The following CD58 variants were observed in gnomAD, a reference collection of about 807,000 sequenced individuals.
CD58 encodes CD58 molecule.
Under a neutral mutation model 27.6 loss-of-function variants are expected in CD58, and 14 were observed. The observed-to-expected ratio is 0.51, with a 90% confidence interval of 0.34 to 0.79. CD58 has a LOEUF of 0.79. Ranked by LOEUF, CD58 falls within the 30% of genes least tolerant of loss-of-function variation. The pLI is 0.02. For synonymous variants in CD58, 117 were observed against 103.8 expected, an observed-to-expected ratio of 1.13 and a Z score of -0.77; for missense variants, 268 against 301.7, an observed-to-expected ratio of 0.89 and a Z score of 0.83.
intron 1 of CD58, among the ~76,000 whole-genome samples, 157 bp from the exon 2 acceptor site, chr1:116,544,761 A>T (rs1658108752): frequency 6.6e-6 from 1 of 152,198 alleles, no homozygotes; most frequent in Non-Finnish European, 1.5e-5. Context: ...TTTAATAGAA[A>T]ACTGGGACCT....
chr1:116,543,181 T>A (rs1331978867), intron 2 of CD58, among the ~76,000 whole-genome samples: 2 of 151,968 alleles, frequency 1.3e-5, no homozygotes, highest in African/African-American at 4.8e-5. Flanking sequence ...GGAAGCTAAG[T>A]GTGTCTGCAA....
intron 1 of CD58, among the ~76,000 whole-genome samples, chr1:116,555,706 G>A (rs1658538011): frequency 6.6e-6 from 1 of 152,124 alleles, no homozygotes; most frequent in Non-Finnish European, 1.5e-5. Context: ...AATTTTAATA[G>A]TTCTTTTTGT....
rs1657086003 is a variant in CD58, at chr1:116,516,467, G to C, written c.744-1645C>G. On this transcript the variant is annotated intron_variant, in intron 5 of 5. Transcript: ENST00000369489. The surrounding 1 kb of genome is among the most constrained non-coding windows in gnomAD (Gnocchi z 6.1). ...TTTCATGCAAAATGTTCCTGCTCAA[G>C]AACCTATAATGGCTGCTTATTTCCA... is the stretch of plus-strand genomic sequence containing the variant. Among the ~76,000 whole-genome samples the C allele has an allele frequency of 6.6e-6, 1 of 152,110 alleles. No homozygotes were observed. The highest frequency in any genetic ancestry group is 2.1e-4 in the South Asian group (1 of 4,826).
intron 4 of CD58, among the ~76,000 whole-genome samples, chr1:116,520,896 T>C (rs1216175965): frequency 6.6e-6 from 1 of 152,202 alleles, no homozygotes; most frequent in African/African-American, 2.4e-5. Flanking sequence ...CAGGAAATTA[T>C]ATTTAGCACT....
rs1474336713 is a variant in CD58 at position 116,523,498 on chromosome 1, A to G, written c.629-1515T>C. ...TGTTGGAGCAAATAGGCAGTCACCT[A>G]TTGGTCAGATTTGAGAAGACCCTGG... is the stretch of plus-strand genomic sequence containing the variant. On this transcript the variant is annotated intron_variant, in intron 3 of 5. Coordinates refer to ENST00000369489, the MANE Select transcript of CD58 (RefSeq NM_001779.3). The surrounding 1 kb of genome is among the most constrained non-coding windows in gnomAD (Gnocchi z 4.4). 6.6e-6 allele frequency among the ~76,000 whole-genome samples: 1 copy of G among 152,206 alleles called. No individual in the cohort carries two copies. Among genetic ancestry groups the G allele is most frequent in the African/African-American group, 2.4e-5 (1 of 41,452 alleles).
intron 1 of CD58, among the ~76,000 whole-genome samples, chr1:116,548,852 C>T (rs1331276264): frequency 4.6e-5 from 7 of 152,190 alleles, no homozygotes; most frequent in Non-Finnish European, 2.9e-5. Flanking sequence ...TTACTCTCTG[C>T]TGGTTATATG....
intron 1 of CD58, among the ~76,000 whole-genome samples, chr1:116,560,382 A>C (rs1464273609): frequency 6.6e-6 from 1 of 152,116 alleles, no homozygotes; most frequent in East Asian, 1.9e-4. Context: ...CTATTCTCCA[A>C]AGTCTGATTC....
At chr1:116,543,898 T>C (rs989146192) in intron 2 of CD58, among the ~76,000 whole-genome samples, 1 of 152,082 alleles carries the variant, frequency 6.6e-6, no homozygotes, top group African/African-American at 2.4e-5. Flanking sequence ...ACTCTGGCCT[T>C]GGTAACAGAG....
At chr1:116,553,007 T>TA (rs1187197533) in intron 1 of CD58, among the ~76,000 whole-genome samples, 1 of 152,162 alleles carries the variant, frequency 6.6e-6, no homozygotes, top group Non-Finnish European at 1.5e-5. Context: ...ATTTTTTTTT[T>TA]ATGTTTAATT....
In CD58 at chr1:116,519,592, C is replaced by A. The variant is rs1571056327; in HGVS notation, c.707-325G>T. 6.6e-6 allele frequency among the ~76,000 whole-genome samples: 1 copy of A among 151,950 alleles called. No homozygotes were observed. Among genetic ancestry groups the A allele is most frequent in the South Asian group, 2.1e-4 (1 of 4,828 alleles). ...AGTGCTGTCCAATAGAAATATAATG[C>A]AAGCCACATAAGTAATTTAAAATTT... On this transcript the variant is annotated intron_variant, in intron 4 of 5. Coordinates refer to ENST00000369489, the MANE Select transcript of CD58 (RefSeq NM_001779.3). The surrounding 1 kb of genome is among the most constrained non-coding windows in gnomAD (Gnocchi z 4.7).
chr1:116,517,906 A>G lies in CD58; in HGVS notation c.743+1325T>C, dbSNP rs184439625. 6.6e-6 allele frequency among the ~76,000 whole-genome samples: 1 copy of G among 152,124 alleles called. No homozygotes were observed. The highest frequency in any genetic ancestry group is 2.4e-5 in the African/African-American group (1 of 41,404). On this transcript the variant is annotated intron_variant, in intron 5 of 5. Transcript: ENST00000369489. This position sits in a 1 kb window ranked among gnomAD's most constrained non-coding sequence, Gnocchi z 6.5. Reference sequence around the variant, plus strand: ...TTCATAATTTTCCTTCCCAACCAAGATTCCTGTGTGACTCCTCTGTGACAC... The same window carrying G: ...TTCATAATTTTCCTTCCCAACCAAGGTTCCTGTGTGACTCCTCTGTGACAC...
chr1:116,544,735 C>T, intron 1 of CD58, 131 bp from the exon 2 acceptor site: 1 of 636,958 alleles, frequency 1.6e-6, no homozygotes, highest in Non-Finnish European at 2.7e-6. Context: ...CATGTTTGAC[C>T]ATGTGGAGCT....
At position 116,535,568 on chromosome 1, in the gene CD58, G is replaced by A. The variant is rs147401865; in HGVS notation, c.628+397C>T. On this transcript the variant is annotated intron_variant, in intron 3 of 5. Coordinates refer to ENST00000369489, the MANE Select transcript of CD58 (RefSeq NM_001779.3). ...AAAAATTGTAACTTGTTGGCCGGGCGCGGTGGCTCACGCCTGTAATCCCAG... is the reference window on the plus strand; with the variant it reads ...AAAAATTGTAACTTGTTGGCCGGGCACGGTGGCTCACGCCTGTAATCCCAG... 1.6e-3 allele frequency among the ~76,000 whole-genome samples: 157 copies of A among 98,376 alleles called. 51 individuals are homozygous for A. The East Asian group carries it at 0.099, about 62-fold the overall frequency. The allele number at this position is 98,376 out of a possible 152,430, so 64.5% of individuals were successfully genotyped here. A position where few individuals can be genotyped will look rare whatever the true frequency, so the allele number is the denominator to read the frequency against.
rs1028151399 is a variant in CD58 at position 116,538,295 on chromosome 1, T to C, written c.365-2067A>G. ...AGAAGTTGCTCTAGTTGACTCAAAATTGAAAGCCTAGAGCCCTGCTCTCCT... is the reference window on the plus strand; with the variant it reads ...AGAAGTTGCTCTAGTTGACTCAAAACTGAAAGCCTAGAGCCCTGCTCTCCT... On this transcript the variant is annotated intron_variant, in intron 2 of 5. Transcript: ENST00000369489. The surrounding 1 kb of genome is among the most constrained non-coding windows in gnomAD (Gnocchi z 4.7). 2.0e-5 allele frequency among the ~76,000 whole-genome samples: 3 copies of C among 152,202 alleles called. No individual in the cohort carries two copies. The highest frequency in any genetic ancestry group is 2.9e-5 in the Non-Finnish European group (2 of 68,026).
Position 116,519,050 on chromosome 1 carries a change from T to G in CD58, c.743+181A>C, listed in dbSNP as rs541883244. ...GAAACGATATGCAGAGAGTGGCTAG[T>G]GCAGTGCATGGCACACAGTTGGTAC... On this transcript the variant is annotated intron_variant, in intron 5 of 5. Coordinates refer to ENST00000369489, the MANE Select transcript of CD58 (RefSeq NM_001779.3). This position sits in a 1 kb window ranked among gnomAD's most constrained non-coding sequence, Gnocchi z 4.7. 1 of 1,312,412 alleles carries G rather than the reference T, an allele frequency of 7.6e-7. No homozygotes were observed. Among genetic ancestry groups the G allele is most frequent in the Non-Finnish European group, 1.0e-6 (1 of 982,536 alleles). The allele number at this position is 1,312,412 out of a possible 1,614,324, so 81.3% of individuals were successfully genotyped here. A position where few individuals can be genotyped will look rare whatever the true frequency, so the allele number is the denominator to read the frequency against.
In CD58 at chr1:116,519,506, T is replaced by C. The variant is rs1382613317; in HGVS notation, c.707-239A>G. ...CCAAATGCAAAAACTGTTGACAAAA[T>C]GGCTAATTTTACCTCGTGCATAAGG... On this transcript the variant is annotated intron_variant, in intron 4 of 5. Coordinates refer to ENST00000369489, the MANE Select transcript of CD58 (RefSeq NM_001779.3). This position sits in a 1 kb window ranked among gnomAD's most constrained non-coding sequence, Gnocchi z 4.7. Among the ~76,000 whole-genome samples, 1 of 152,164 alleles carries C rather than the reference T, an allele frequency of 6.6e-6. No homozygotes were observed. The highest frequency in any genetic ancestry group is 1.5e-5 in the Non-Finnish European group (1 of 68,020).
In CD58 at chr1:116,515,076, T is replaced by C. The variant is rs1007952850; in HGVS notation, c.744-254A>G. Among the ~76,000 whole-genome samples the C allele has an allele frequency of 1.4e-4, 21 of 152,216 alleles. No individual in the cohort carries two copies. The highest frequency in any genetic ancestry group is 4.8e-4 in the African/African-American group (20 of 41,454). ...CAGCCCCAAGGCTCCTCCCGCTTAC[T>C]CTCTGAGTATAACTGAAAGATTGAA... On this transcript the variant is annotated intron_variant, in intron 5 of 5. Transcript: ENST00000369489. The surrounding 1 kb of genome is among the most constrained non-coding windows in gnomAD (Gnocchi z 4.6).
chr1:116,559,087 T>C lies in CD58; in HGVS notation c.70+11816A>G, dbSNP rs1481396732. ...TGATGTTGGATGATGTTAAGTGCTATAGAGAAAAATAAAGCAGAGTGTGGG... is the reference window on the plus strand; with the variant it reads ...TGATGTTGGATGATGTTAAGTGCTACAGAGAAAAATAAAGCAGAGTGTGGG... On this transcript the variant is annotated intron_variant, in intron 1 of 5. Coordinates refer to ENST00000369489, the MANE Select transcript of CD58 (RefSeq NM_001779.3). This position sits in a 1 kb window ranked among gnomAD's most constrained non-coding sequence, Gnocchi z 4.4. 3.9e-5 allele frequency among the ~76,000 whole-genome samples: 6 copies of C among 152,110 alleles called. No individual in the cohort carries two copies. Among genetic ancestry groups the C allele is most frequent in the South Asian group, 2.1e-4 (1 of 4,818 alleles).
chr1:116,555,212 C>T (rs996323416), intron 1 of CD58, among the ~76,000 whole-genome samples: 2 of 152,070 alleles, frequency 1.3e-5, no homozygotes, highest in Admixed American at 1.3e-4. Context: ...CCAGGGTGAA[C>T]TCCCAAAGGC....
Sources: allele counts gnomAD v4.1 joint callset (sites outside exome capture counted in the v4.1 genomes callset), GRCh38; gene constraint gnomAD v4.1.1; non-coding constraint Gnocchi (gnomAD v3.1); transcripts MANE v1.5; gene names NCBI Gene and HGNC (gene_info 2026-07-23, HGNC 2026-07-21).